Variants in ECPAS observed in about 807,000 individuals in gnomAD.
ECPAS encodes the protein Ecm29 proteasome adaptor and scaffold.
ECPAS carries 70 observed loss-of-function variants against 255.1 expected under a neutral mutation model. The ratio of observed to expected loss-of-function variants is 0.27; its 90% confidence interval spans 0.23 to 0.33. The LOEUF (loss-of-function observed/expected upper bound fraction) is 0.33. ECPAS is among the 10% of genes least tolerant of loss of function. The pLI is 1.00. For missense variants in ECPAS, 1,817 were observed against 2,206.4 expected, an observed-to-expected ratio of 0.82 and a Z score of 3.54; for synonymous variants, 784 against 775.0, an observed-to-expected ratio of 1.01 and a Z score of -0.19.
intron 9 of ECPAS, among the ~76,000 whole-genome samples, chr9:111,428,780 A>T (rs1393638754): frequency 6.6e-6 from 1 of 151,772 alleles, no homozygotes; most frequent in Non-Finnish European, 1.5e-5. Context: ...TGCAATTTGG[A>T]GTTGAAACCA....
chr9:111,372,048 C>T lies in ECPAS; in HGVS notation c.4529-219G>A, dbSNP rs150101549. On this transcript the variant is annotated intron_variant, in intron 42 of 49. Coordinates refer to ENST00000684092, the MANE Select transcript of ECPAS (RefSeq NM_001364929.1). ...TGGGTGCCCACAGGAACGTATCACA[C>T]AAATGGGCATCATCAATTAATATGC... is the stretch of plus-strand genomic sequence containing the variant. 5.7e-3 allele frequency among the ~76,000 whole-genome samples: 864 copies of T among 152,248 alleles called. 4 individuals are homozygous for T. The highest frequency in any genetic ancestry group is 8.1e-3 in the Non-Finnish European group (549 of 68,024).
chr9:111,390,519 G>A lies in ECPAS; in HGVS notation c.3162-418C>T, dbSNP rs117664520. Among the ~76,000 whole-genome samples, 1,421 of 152,306 alleles carry A rather than the reference G, an allele frequency of 9.3e-3. 21 individuals are homozygous for A. The highest frequency in any genetic ancestry group is 0.038 in the South Asian group (185 of 4,826). ...GATTGAGTCTTGTTAACTTTCCTCT[G>A]AACAAATAATATTGGCTCAAATATC... On this transcript the variant is annotated intron_variant, in intron 29 of 49. Coordinates refer to ENST00000684092, the MANE Select transcript of ECPAS (RefSeq NM_001364929.1).
At position 111,452,898 on chromosome 9, in the gene ECPAS, G is replaced by A. The variant is rs191343325; in HGVS notation, c.23-1343C>T. 6.6e-5 allele frequency among the ~76,000 whole-genome samples: 10 copies of A among 152,172 alleles called. No individual in the cohort carries two copies. In the East Asian group the frequency reaches 1.7e-3, roughly 26 times the overall value. On this transcript the variant is annotated intron_variant, in intron 2 of 49. Coordinates refer to ENST00000684092, the MANE Select transcript of ECPAS (RefSeq NM_001364929.1). ...GAAAAAGGTCTGAGTTTAGGGATTG[G>A]GGCAGGTCAAAAACAAGATGAGCCT... is the stretch of plus-strand genomic sequence containing the variant.
chr9:111,375,774 T>A (rs1423937557), intron 37 of ECPAS, among the ~76,000 whole-genome samples: 1 of 152,110 alleles, frequency 6.6e-6, no homozygotes, highest in Non-Finnish European at 1.5e-5. Context: ...TTGGTAATAC[T>A]CCCCCAGCAG....
intron 2 of ECPAS, among the ~76,000 whole-genome samples, chr9:111,471,375 T>C (rs1169581786): frequency 6.6e-6 from 1 of 152,224 alleles, no homozygotes; most frequent in Non-Finnish European, 1.5e-5. Flanking sequence ...CAAAATTTAT[T>C]TTAAAGTTGA....
intron 3 of ECPAS, among the ~76,000 whole-genome samples, chr9:111,446,522 G>T (rs2098253213): frequency 1.3e-5 from 2 of 151,988 alleles, no homozygotes; most frequent in African/African-American, 4.8e-5. Flanking sequence ...AATTCCAAGA[G>T]ATCTACAGCA....
intron 28 of ECPAS, among the ~76,000 whole-genome samples, chr9:111,392,037 G>A (rs991151225): frequency 6.6e-5 from 10 of 152,070 alleles, no homozygotes; most frequent in African/African-American, 1.9e-4. Flanking sequence ...TCAGGAGTTC[G>A]AGGCTATTCT....
intron 24 of ECPAS, among the ~76,000 whole-genome samples, chr9:111,404,229 C>T (rs1423196614): frequency 6.8e-6 from 1 of 148,124 alleles, no homozygotes; most frequent in Non-Finnish European, 1.5e-5. Context: ...GCAAAGCAAA[C>T]CCAAAATTAA....
intron 2 of ECPAS, among the ~76,000 whole-genome samples, chr9:111,455,294 C>A (rs2098265471): frequency 6.6e-6 from 1 of 152,056 alleles, no homozygotes; most frequent in Non-Finnish European, 1.5e-5. Context: ...ACTATCCTGG[C>A]GAACACGGTG....
chr9:111,395,574 C>A (rs1172066121), intron 25 of ECPAS, among the ~76,000 whole-genome samples: 1 of 152,070 alleles, frequency 6.6e-6, no homozygotes, highest in Admixed American at 6.5e-5. Flanking sequence ...AAGCAGGATG[C>A]AATCTTCCAA....
chr9:111,396,515 A>C (rs1202031727), intron 25 of ECPAS, among the ~76,000 whole-genome samples: 1 of 152,176 alleles, frequency 6.6e-6, no homozygotes, highest in African/African-American at 2.4e-5. Flanking sequence ...CTTGCTTGCC[A>C]AAGGGTCAGA....
intron 3 of ECPAS, among the ~76,000 whole-genome samples, chr9:111,448,527 A>C (rs1410609825): frequency 6.6e-6 from 1 of 152,224 alleles, no homozygotes; most frequent in Non-Finnish European, 1.5e-5. Flanking sequence ...AAAATCAGAA[A>C]AACTGTAACA....
At chr9:111,438,614 C>G (rs946519432) in intron 6 of ECPAS, among the ~76,000 whole-genome samples, 1 of 152,140 alleles carries the variant, frequency 6.6e-6, no homozygotes, top group African/African-American at 2.4e-5. Flanking sequence ...AAACATCATC[C>G]TAAACACAAG....
At position 111,386,555 on chromosome 9, in the gene ECPAS, G is replaced by A; in HGVS notation, c.3448-99C>T. ...CTGGTTAACCACACTTAACCACACT[G>A]ACCATGTTTCTATATTTTACGGCCT... On this transcript the variant is annotated intron_variant, in intron 31 of 49. Transcript: ENST00000684092. 3 of 693,178 alleles carry A rather than the reference G, an allele frequency of 4.3e-6. No individual in the cohort carries two copies. The South Asian group carries it at 5.4e-5, about 13-fold the overall frequency. 42.9% of individuals were successfully genotyped at this position (693,178 alleles called of 1,614,324 possible).
chr9:111,390,478 A>G (rs2098157888), intron 29 of ECPAS, among the ~76,000 whole-genome samples: 1 of 152,234 alleles, frequency 6.6e-6, no homozygotes, highest in Non-Finnish European at 1.5e-5. Context: ...TTTCTAAGCT[A>G]GACCACCCTA....
chr9:111,399,660 A>G (rs1225210053), intron 24 of ECPAS, among the ~76,000 whole-genome samples: 1 of 152,170 alleles, frequency 6.6e-6, no homozygotes, highest in African/African-American at 2.4e-5. Flanking sequence ...TGGAGGGAGG[A>G]AAAGCAAAAA....
chr9:111,392,857 C>T lies in ECPAS; in HGVS notation c.3003G>A (p.Lys1001=), dbSNP rs368735269. 6.9e-5 allele frequency: 112 copies of T among 1,612,168 alleles called. No individual in the cohort carries two copies. The highest frequency in any genetic ancestry group is 4.2e-4 in the Admixed American group (25 of 59,790). The change falls in exon 28 of 50, where the codon AAG becomes AAA. Residue 1001 remains lysine (K), a synonymous_variant. Transcript: ENST00000684092. ...NDELSQDVAS[K]GLGLVYELGN... is the part of the protein sequence containing the mutation. ...CTAGTTCATAAACCAACCCAAGGCC[C>T]TTTGATGCAACATCTTGGCTAAGTT... is the stretch of plus-strand genomic sequence containing the variant.
In ECPAS at chr9:111,375,207, T is replaced by G. The variant is rs750997829; in HGVS notation, c.4021-5A>C. 6.2e-7 allele frequency: 1 copy of G among 1,612,134 alleles called. No individual in the cohort carries two copies. The highest frequency in any genetic ancestry group is 1.7e-5 in the Admixed American group (1 of 59,978). Reference sequence around the variant, plus strand: ...CACATCAAGGTATTGCAGGCACTTTTGAAAAAGGACAAATATAAAGGTAAG... The same window carrying G: ...CACATCAAGGTATTGCAGGCACTTTGGAAAAAGGACAAATATAAAGGTAAG... On this transcript the variant is annotated splice_region_variant and splice_polypyrimidine_tract_variant and intron_variant, in intron 37 of 49. Transcript: ENST00000684092.
chr9:111,451,600 A>T (rs372778227), intron 2 of ECPAS, 45 bp from the exon 3 acceptor site: 2 of 1,490,490 alleles, frequency 1.3e-6, no homozygotes, highest in Non-Finnish European at 1.8e-6. Flanking sequence ...CAAGCCAAAC[A>T]CAACCAAGAC....
Sources: allele counts gnomAD v4.1 joint callset (sites outside exome capture counted in the v4.1 genomes callset), GRCh38; gene constraint gnomAD v4.1.1; transcripts MANE v1.5; gene names NCBI Gene and HGNC (gene_info 2026-07-23, HGNC 2026-07-21).